C12orf54: variants seen among roughly 807,000 people sequenced by gnomAD.
C12orf54 encodes the protein chromosome 12 open reading frame 54, also known as uncharacterized protein C12orf54.
C12orf54 carries 24 observed loss-of-function variants against 26.4 expected under a neutral mutation model. The observed-to-expected ratio is 0.91, with a 90% confidence interval of 0.66 to 1.28. The LOEUF is 1.28. Ranked by LOEUF, C12orf54 falls within the 50% of genes most tolerant of loss-of-function variation. C12orf54 has a pLI of 0.00. For synonymous variants in C12orf54, 54 were observed against 47.0 expected, an observed-to-expected ratio of 1.15 and a Z score of -0.61; for missense variants, 154 against 150.9, an observed-to-expected ratio of 1.02 and a Z score of -0.11.
At chr12:48,487,963 G>C in intron 4 of C12orf54, 2 of 734,634 alleles carry the variant, frequency 2.7e-6, no homozygotes, top group Non-Finnish European at 4.9e-6. Flanking sequence ...TACCTAAGAA[G>C]AACTGGGTTG....
the C12orf54 span, among the ~76,000 whole-genome samples, chr12:48,459,057 C>T: frequency 6.6e-6 from 1 of 152,110 alleles, no homozygotes; most frequent in Non-Finnish European, 1.5e-5. Context: ...ACTTTTTCTG[C>T]ACCAAAATCT....
chr12:48,487,805 A>C, intron 4 of C12orf54: 1 of 459,126 alleles, frequency 2.2e-6, no homozygotes. Context: ...ACCATCTTAA[A>C]GTTCTCACAC....
chr12:48,424,854 A>C, the C12orf54 span, among the ~76,000 whole-genome samples: 4 of 152,132 alleles, frequency 2.6e-5, no homozygotes, highest in African/African-American at 9.6e-5. Context: ...ATTTATGTGA[A>C]ATTGTAGCAA....
At chr12:48,449,864 T>G in the C12orf54 span, among the ~76,000 whole-genome samples, 1 of 152,158 alleles carries the variant, frequency 6.6e-6, no homozygotes, top group Non-Finnish European at 1.5e-5. Context: ...TCTCCTGGAA[T>G]TCCCACGTGT....
the C12orf54 span, among the ~76,000 whole-genome samples, chr12:48,433,846 G>A: frequency 1.3e-5 from 2 of 152,216 alleles, no homozygotes; most frequent in Admixed American, 1.3e-4. Flanking sequence ...CAATGCAGAA[G>A]ACAGGTGATT....
the C12orf54 span, among the ~76,000 whole-genome samples, chr12:48,470,685 T>C: frequency 8.9e-6 from 1 of 112,644 alleles, no homozygotes; most frequent in African/African-American, 3.4e-5. Context: ...ACTGGTCCAT[T>C]TTTTTTTGTT....
the C12orf54 span, among the ~76,000 whole-genome samples, chr12:48,428,884 A>G: frequency 1.3e-5 from 2 of 152,172 alleles, no homozygotes; most frequent in Non-Finnish European, 2.9e-5. Flanking sequence ...CTACATACCA[A>G]TATCCCTCAT....
the C12orf54 span, among the ~76,000 whole-genome samples, chr12:48,470,860 C>T: frequency 1.3e-5 from 2 of 151,670 alleles, no homozygotes; most frequent in Admixed American, 6.6e-5. Context: ...GATATATATA[C>T]TTATGGCGTA....
chr12:48,424,401 T>C, the C12orf54 span, among the ~76,000 whole-genome samples: 1 of 152,148 alleles, frequency 6.6e-6, no homozygotes, highest in Non-Finnish European at 1.5e-5. Context: ...AAATTTGGTT[T>C]ATAATTAGTA....
chr12:48,475,493 T>A, the C12orf54 span, among the ~76,000 whole-genome samples: 1 of 151,798 alleles, frequency 6.6e-6, no homozygotes, highest in South Asian at 2.1e-4. Context: ...GTTAAAAGCT[T>A]TGAAAAAAAA....
chr12:48,453,687 G>GT, the C12orf54 span, among the ~76,000 whole-genome samples: 1 of 145,586 alleles, frequency 6.9e-6, no homozygotes, highest in African/African-American at 2.6e-5. Flanking sequence ...TTATCCTCAA[G>GT]TTTATTTAAA....
upstream of C12orf54, among the ~76,000 whole-genome samples, chr12:48,479,117 G>A (rs1954173368): frequency 6.6e-6 from 1 of 152,178 alleles, no homozygotes; most frequent in Non-Finnish European, 1.5e-5. Flanking sequence ...CAACCCAAAT[G>A]TCCAACAATG....
the C12orf54 span, among the ~76,000 whole-genome samples, chr12:48,413,891 C>A: frequency 6.6e-6 from 1 of 152,246 alleles, no homozygotes; most frequent in African/African-American, 2.4e-5. Flanking sequence ...AAATCCCCCA[C>A]CAGAGAAAAT....
chr12:48,488,335 C>A, intron 4 of C12orf54: 1 of 526,574 alleles, frequency 1.9e-6, no homozygotes, highest in South Asian at 1.7e-5. Flanking sequence ...AGACAGAATG[C>A]TGTGCCCCCT....
upstream of C12orf54, among the ~76,000 whole-genome samples, chr12:48,478,029 C>T (rs1357925526): frequency 6.6e-6 from 1 of 152,174 alleles, no homozygotes; most frequent in East Asian, 1.9e-4. Context: ...TCCAGCAGCA[C>T]ATCATAAAGC....
At chr12:48,430,206 A>C in the C12orf54 span, among the ~76,000 whole-genome samples, 1 of 152,226 alleles carries the variant, frequency 6.6e-6, no homozygotes, top group African/African-American at 2.4e-5. Context: ...AAATTCTAGA[A>C]GATAACATTG....
At chr12:48,417,649 G>A in the C12orf54 span, among the ~76,000 whole-genome samples, 2 of 152,168 alleles carry the variant, frequency 1.3e-5, no homozygotes, top group African/African-American at 4.8e-5. Context: ...ATTGTGTGAT[G>A]TTAAGGTTTG....
chr12:48,449,172 C>A, the C12orf54 span, among the ~76,000 whole-genome samples: 1 of 152,138 alleles, frequency 6.6e-6, no homozygotes, highest in Non-Finnish European at 1.5e-5. Flanking sequence ...TAGATGACAA[C>A]TGTTTCCTAT....
chr12:48,428,946 C>A, the C12orf54 span, among the ~76,000 whole-genome samples: 1 of 152,138 alleles, frequency 6.6e-6, no homozygotes, highest in Non-Finnish European at 1.5e-5. Flanking sequence ...AATCCAAAAA[C>A]ATATCAGAAA....
Sources: allele counts gnomAD v4.1 joint callset (sites outside exome capture counted in the v4.1 genomes callset), GRCh38; gene constraint gnomAD v4.1.1; transcripts MANE v1.5; gene names NCBI Gene and HGNC (gene_info 2026-07-23, HGNC 2026-07-21).